The following GIPC2 variants were observed in gnomAD, a reference collection of about 807,000 sequenced individuals.
GIPC2 encodes PDZ domain-containing protein GIPC2.
A neutral mutation model predicts 30.6 loss-of-function variants in GIPC2; 30 were observed. That is an observed-to-expected ratio of 0.98 (90% CI 0.73 to 1.33). GIPC2 has a LOEUF of 1.33. Ranked by LOEUF, GIPC2 falls within the 40% of genes most tolerant of loss-of-function variation. GIPC2 has a pLI of 0.00. For synonymous variants in GIPC2, 167 were observed against 150.0 expected (o/e 1.11, Z -0.83); for missense variants, 414 against 390.3 (o/e 1.06, Z -0.51).
In GIPC2 at chr1:78,125,979, T is replaced by G. The variant is rs1289252179; in HGVS notation, c.796+17T>G. On this transcript the variant is annotated intron_variant, in intron 5 of 5. Coordinates refer to ENST00000370759, the MANE Select transcript of GIPC2 (RefSeq NM_017655.6). ...TTGATTTAGGTAAGATTATACTATT[T>G]AAAAAAGTCTTATATCTCTTAATCT... is the stretch of plus-strand genomic sequence containing the variant. 1 of 1,180,564 alleles carries G rather than the reference T, an allele frequency of 8.5e-7. No individual in the cohort carries two copies. The highest frequency in any genetic ancestry group is 1.3e-6 in the Non-Finnish European group (1 of 788,146). The allele number at this position is 1,180,564 out of a possible 1,614,324, so 73.1% of individuals were successfully genotyped here. A position where few individuals can be genotyped will look rare whatever the true frequency, so the allele number is the denominator to read the frequency against.
intron 3 of GIPC2, among the ~76,000 whole-genome samples, chr1:78,099,525 G>A (rs562328472): frequency 4.0e-5 from 6 of 150,604 alleles, no homozygotes; most frequent in African/African-American, 1.2e-4. Context: ...TGCAACTTCC[G>A]CCTCCCAGGT....
intron 2 of GIPC2, 61 bp downstream of exon 2, chr1:78,080,921 G>A: frequency 1.0e-6 from 1 of 979,484 alleles, no homozygotes; most frequent in South Asian, 2.3e-5. Flanking sequence ...AAATCTACCA[G>A]GCCAAAGAAA....
At chr1:78,077,677 C>T (rs1661740750) in intron 1 of GIPC2, among the ~76,000 whole-genome samples, 1 of 152,254 alleles carries the variant, frequency 6.6e-6, no homozygotes, top group South Asian at 2.1e-4. Context: ...TTAAATGCTG[C>T]CTTTCACTGC....
At chr1:78,075,531 T>C (rs749774690) in intron 1 of GIPC2, among the ~76,000 whole-genome samples, 80 of 152,328 alleles carry the variant, frequency 5.3e-4, no homozygotes, top group Non-Finnish European at 9.0e-4. Flanking sequence ...GACTTAGGTT[T>C]ATTTCTTCTT....
chr1:78,046,043 G>T lies in GIPC2; in HGVS notation c.-52G>T, dbSNP rs1371355558. 11 of 1,399,478 alleles carry T rather than the reference G, an allele frequency of 7.9e-6. No homozygotes were observed. The highest frequency in any genetic ancestry group is 6.1e-5 in the African/African-American group (4 of 65,098). 86.7% of individuals were successfully genotyped at this position (1,399,478 alleles called of 1,614,324 possible). ...GGCGCAAAGTCCGAGGCGCCGGGGG[G>T]AGGAGGCGGCGGACGGCAGCGCAGG... On this transcript the variant is annotated 5_prime_UTR_variant, in exon 1 of 6. Transcript: ENST00000370759.
At chr1:78,132,817 TTTC>T (rs2100455847) in intron 5 of GIPC2, among the ~76,000 whole-genome samples, 2 of 152,244 alleles carry the variant, frequency 1.3e-5, no homozygotes, top group African/African-American at 4.8e-5. Flanking sequence ...GTCCGTACAT[TTTC>T]TTATGTCTTT....
intron 1 of GIPC2, among the ~76,000 whole-genome samples, chr1:78,056,840 A>T (rs923486542): frequency 3.3e-5 from 5 of 152,148 alleles, no homozygotes; most frequent in African/African-American, 1.2e-4. Flanking sequence ...GCTTTCCTAA[A>T]CACCATAATT....
intron 1 of GIPC2, among the ~76,000 whole-genome samples, chr1:78,056,486 G>T (rs1284052194): frequency 2.0e-5 from 3 of 152,010 alleles, no homozygotes; most frequent in Admixed American, 2.0e-4. Flanking sequence ...AAAAACAAAA[G>T]AAAAAATTAT....
chr1:78,050,670 T>C (rs1415439576), intron 1 of GIPC2, among the ~76,000 whole-genome samples: 1 of 151,998 alleles, frequency 6.6e-6, no homozygotes, highest in Non-Finnish European at 1.5e-5. Flanking sequence ...AGTCTCGCTC[T>C]GTCGCCCAGG....
rs747497291 is a variant in GIPC2 at position 78,135,773 on chromosome 1, C to T, written c.*30C>T. 2 of 1,566,096 alleles carry T rather than the reference C, an allele frequency of 1.3e-6. No individual in the cohort carries two copies. The highest frequency in any genetic ancestry group is 1.4e-5 in the African/African-American group (1 of 70,480). ...TACACTCCATCTCTGAAGAAACAAC[C>T]CATCGTTCTTTTTTTTCTCTTTTTT... On this transcript the variant is annotated 3_prime_UTR_variant, in exon 6 of 6. Coordinates refer to ENST00000370759, the MANE Select transcript of GIPC2 (RefSeq NM_017655.6).
intron 5 of GIPC2, among the ~76,000 whole-genome samples, chr1:78,128,539 T>A (rs1337512609): frequency 6.6e-6 from 1 of 152,232 alleles, no homozygotes; most frequent in Non-Finnish European, 1.5e-5. Context: ...AAATTTAGAA[T>A]AGAAATGTTT....
chr1:78,107,442 G>A (rs573355077), intron 3 of GIPC2, among the ~76,000 whole-genome samples: 1 of 152,218 alleles, frequency 6.6e-6, no homozygotes, highest in South Asian at 2.1e-4. Flanking sequence ...ACCATGCCCG[G>A]CTGACTTTTT....
chr1:78,051,126 GA>G (rs1661190017), intron 1 of GIPC2, among the ~76,000 whole-genome samples: 1 of 149,820 alleles, frequency 6.7e-6, no homozygotes, highest in Non-Finnish European at 1.5e-5. Flanking sequence ...GAAAACTTAA[GA>G]AAAGACGTAT....
intron 3 of GIPC2, among the ~76,000 whole-genome samples, chr1:78,112,241 T>C (rs143127298): frequency 5.8e-4 from 89 of 152,342 alleles, no homozygotes; most frequent in Admixed American, 1.7e-3. Flanking sequence ...TGCCACTCAT[T>C]ATTTTTTTCT....
At chr1:78,128,845 AAAC>A (rs1662835056) in intron 5 of GIPC2, among the ~76,000 whole-genome samples, 1 of 151,934 alleles carries the variant, frequency 6.6e-6, no homozygotes, top group African/African-American at 2.4e-5. Flanking sequence ...AAACAAAACA[AAAC>A]AAAAAAATTA....
intron 4 of GIPC2, among the ~76,000 whole-genome samples, chr1:78,121,202 G>A (rs1334698320): frequency 6.6e-6 from 1 of 152,148 alleles, no homozygotes; most frequent in African/African-American, 2.4e-5. Flanking sequence ...TTGGGGTGGC[G>A]ATGGTAAGGA....
At position 78,064,151 on chromosome 1, in the gene GIPC2, G is replaced by A. The variant is rs557570964; in HGVS notation, c.241-16524G>A. 4.6e-5 allele frequency among the ~76,000 whole-genome samples: 7 copies of A among 152,306 alleles called. No individual in the cohort carries two copies. The South Asian group carries it at 1.2e-3, about 27-fold the overall frequency. The stretch of plus-strand genomic sequence containing the variant: ...GTAAGGCACTGCATAAAAAAGTACA[G>A]TCTTCCCTTGATTTACATGGTAATT... On this transcript the variant is annotated intron_variant, in intron 1 of 5. Coordinates refer to ENST00000370759, the MANE Select transcript of GIPC2 (RefSeq NM_017655.6).
upstream of GIPC2, chr1:78,045,805 G>C: frequency 8.4e-7 from 1 of 1,185,476 alleles, no homozygotes; most frequent in African/African-American, 1.6e-5. Flanking sequence ...AGGCGTTCAC[G>C]TAAATAGAGC....
intron 2 of GIPC2, chr1:78,091,496 C>G (rs1010463970): frequency 5.7e-6 from 4 of 707,964 alleles, no homozygotes; most frequent in Non-Finnish European, 7.9e-6. Context: ...TCCCGCTGCG[C>G]TAATGGCTCC....
Sources: gnomAD v4.1 joint callset for allele counts (sites outside exome capture counted in the v4.1 genomes callset) on GRCh38, gnomAD v4.1.1 for gene constraint, MANE v1.5 for transcripts, NCBI Gene and HGNC (gene_info 2026-07-23, HGNC 2026-07-21) for gene names.